The following PPP4R4 variants were observed in gnomAD, a reference collection of about 807,000 sequenced individuals.
PPP4R4 encodes protein phosphatase 4 regulatory subunit 4.
A neutral mutation model predicts 121.8 loss-of-function variants in PPP4R4; 70 were observed. The ratio of observed to expected loss-of-function variants is 0.57; its 90% confidence interval spans 0.47 to 0.70. The LOEUF (loss-of-function observed/expected upper bound fraction) is 0.70. PPP4R4 is among the 30% of genes least tolerant of loss of function. PPP4R4 has a pLI of 0.00. For missense variants in PPP4R4, 875 were observed against 1,033.6 expected (o/e 0.85, Z 2.10); for synonymous variants, 348 against 355.7 (o/e 0.98, Z 0.24).
chr14:94,177,670 T>G (rs899399354), intron 2 of PPP4R4, among the ~76,000 whole-genome samples: 1 of 152,236 alleles, frequency 6.6e-6, no homozygotes, highest in African/African-American at 2.4e-5. Flanking sequence ...TTACTTGTGA[T>G]AGAAGACACC....
chr14:94,216,957 C>T (rs890923359), intron 3 of PPP4R4, among the ~76,000 whole-genome samples: 3 of 152,128 alleles, frequency 2.0e-5, no homozygotes, highest in African/African-American at 7.2e-5. Flanking sequence ...AGGTCTGCCA[C>T]CAGTGGGGAT....
intron 2 of PPP4R4, among the ~76,000 whole-genome samples, chr14:94,202,853 C>A (rs111264500): frequency 0.012 from 1,847 of 151,896 alleles, 46 homozygotes; most frequent in African/African-American, 0.042. Context: ...CGTGGTGGCA[C>A]GTGCCTGTAA....
At chr14:94,175,011 G>A (rs1395060849) in intron 1 of PPP4R4, among the ~76,000 whole-genome samples, 1 of 96,962 alleles carries the variant, frequency 1.0e-5, no homozygotes, top group Non-Finnish European at 2.0e-5. Flanking sequence ...CGAGGCCGCA[G>A]CCCACTTCTC....
chr14:94,257,433 A>G (rs1368967336), intron 17 of PPP4R4, among the ~76,000 whole-genome samples: 3 of 152,110 alleles, frequency 2.0e-5, no homozygotes, highest in East Asian at 3.8e-4. Context: ...TCATAAATAA[A>G]TTAGCATACA....
At position 94,202,896 on chromosome 14, in the gene PPP4R4, T is replaced by C. The variant is rs555373688; in HGVS notation, c.192-5568T>C. ...TACTCGGGAGGCTGAGGCAGGAGAA[T>C]AGCTTGAACCAGGGAGTCAGAGGTT... On this transcript the variant is annotated intron_variant, in intron 2 of 24. Transcript: ENST00000304338. Among the ~76,000 whole-genome samples, 21 of 151,362 alleles carry C rather than the reference T, an allele frequency of 1.4e-4. No individual in the cohort carries two copies. The South Asian group carries it at 3.1e-3, about 22-fold the overall frequency.
At position 94,259,309 on chromosome 14, in the gene PPP4R4, T is replaced by C. The variant is rs1893646284; in HGVS notation, c.2067T>C (p.Phe689=). 6.2e-7 allele frequency: 1 copy of C among 1,606,918 alleles called. No individual in the cohort carries two copies. The highest frequency in any genetic ancestry group is 8.5e-7 in the Non-Finnish European group (1 of 1,177,878). ...EMSMDAFQKK[F]YEKDLLDQEK... ...ACTTTAAACAGTTTCAGAAAAAGTTTTATGAGAAAGATTTGTTGGATCAAG... is the reference window on the plus strand; with the variant it reads ...ACTTTAAACAGTTTCAGAAAAAGTTCTATGAGAAAGATTTGTTGGATCAAG... The change falls in exon 19 of 25, where the codon TTT becomes TTC. Residue 689 remains phenylalanine, a synonymous_variant. Coordinates refer to ENST00000304338, the MANE Select transcript of PPP4R4 (RefSeq NM_058237.2).
chr14:94,178,381 G>A (rs962097368), intron 2 of PPP4R4, among the ~76,000 whole-genome samples: 6 of 150,122 alleles, frequency 4.0e-5, no homozygotes, highest in Admixed American at 4.0e-4. Flanking sequence ...CTGCTTTTAT[G>A]TGTCAGGTTT....
intron 7 of PPP4R4, 32 bp downstream of exon 7, chr14:94,234,701 C>G: frequency 7.0e-7 from 1 of 1,420,172 alleles, no homozygotes; most frequent in Non-Finnish European, 9.9e-7. Context: ...TATGCCATTT[C>G]CATGAAAACA....
Position 94,256,620 on chromosome 14 carries a change from GC to G in PPP4R4, c.2010+18del. On this transcript the variant is annotated intron_variant, in intron 17 of 24. Transcript: ENST00000304338. ...TGTAAAAAGAGTAAGTATCACTCTT[GC>G]CACAATGTTGCATTTTTTGCATTAA... 1 of 1,576,774 alleles carries G rather than the reference GC, an allele frequency of 6.3e-7. No homozygotes were observed. Among genetic ancestry groups the G allele is most frequent in the Non-Finnish European group, 8.6e-7 (1 of 1,158,204 alleles).
intron 2 of PPP4R4, among the ~76,000 whole-genome samples, chr14:94,180,235 G>T (rs903997642): frequency 2.6e-5 from 4 of 152,098 alleles, no homozygotes; most frequent in Non-Finnish European, 4.4e-5. Flanking sequence ...TATTAATTTT[G>T]CCTTCCAATA....
chr14:94,254,772 T>A (rs1015836506), intron 16 of PPP4R4, among the ~76,000 whole-genome samples: 5 of 152,220 alleles, frequency 3.3e-5, no homozygotes, highest in African/African-American at 1.2e-4. Context: ...AAGAGTAGAC[T>A]TTTAGCTTAG....
At chr14:94,269,342 G>A (rs11626051) in intron 23 of PPP4R4, among the ~76,000 whole-genome samples, 25,384 of 151,984 alleles carry the variant, frequency 0.17, 2,235 homozygotes, top group Middle Eastern at 0.24. Flanking sequence ...GACTAGTTTG[G>A]CTGGAGTGTG....
At chr14:94,270,680 G>C (rs1894274283) in intron 23 of PPP4R4, among the ~76,000 whole-genome samples, 1 of 152,140 alleles carries the variant, frequency 6.6e-6, no homozygotes, top group African/African-American at 2.4e-5. Context: ...AGCAATTTGG[G>C]AGGCAGAGAC....
In PPP4R4 at chr14:94,232,530, A is replaced by T. The variant is rs114062831; in HGVS notation, c.517-1123A>T. Among the ~76,000 whole-genome samples the T allele has an allele frequency of 5.8e-3, 883 of 152,296 alleles. 10 individuals are homozygous for T. Among genetic ancestry groups the T allele is most frequent in the African/African-American group, 0.02 (850 of 41,562 alleles). ...GAAAAGCAATATGCTGTATAATGCA[A>T]TTTTTACTCTAGAATACCATATTAT... On this transcript the variant is annotated intron_variant, in intron 5 of 24. Transcript: ENST00000304338.
chr14:94,233,799 T>G, intron 6 of PPP4R4, 40 bp downstream of exon 6: 2 of 1,302,204 alleles, frequency 1.5e-6, no homozygotes, highest in African/African-American at 1.5e-5. Context: ...CTTTATTACA[T>G]TCGTTTAAAA....
intron 3 of PPP4R4, among the ~76,000 whole-genome samples, chr14:94,217,109 T>C (rs961141738): frequency 2.0e-5 from 3 of 152,056 alleles, no homozygotes; most frequent in African/African-American, 7.2e-5. Flanking sequence ...CACCAAGATA[T>C]CTGAGAATAC....
intron 2 of PPP4R4, among the ~76,000 whole-genome samples, chr14:94,195,710 A>AG (rs1889835710): frequency 6.6e-6 from 1 of 151,692 alleles, no homozygotes; most frequent in South Asian, 2.1e-4. Flanking sequence ...AGTAGAGGGG[A>AG]GGGGAAGGGG....
At chr14:94,248,954 AGTT>A (rs1411776199) in intron 14 of PPP4R4, among the ~76,000 whole-genome samples, 1 of 151,714 alleles carries the variant, frequency 6.6e-6, no homozygotes, top group African/African-American at 2.4e-5. Flanking sequence ...ATGTTATTGC[AGTT>A]ATTATTTTTT....
intron 19 of PPP4R4, among the ~76,000 whole-genome samples, chr14:94,260,165 C>G (rs948083628): frequency 2.8e-4 from 43 of 152,148 alleles, no homozygotes; most frequent in African/African-American, 1.0e-3. Flanking sequence ...TAGCTCATGC[C>G]TGTAATCCTA....
Sources: allele counts gnomAD v4.1 joint callset (sites outside exome capture counted in the v4.1 genomes callset), GRCh38; gene constraint gnomAD v4.1.1; transcripts MANE v1.5; gene names NCBI Gene and HGNC (gene_info 2026-07-23, HGNC 2026-07-21).